TPST1: variants seen among roughly 807,000 people sequenced by gnomAD.
TPST1 encodes the protein protein-tyrosine sulfotransferase 1.
Under a neutral mutation model 34.8 loss-of-function variants are expected in TPST1, and 20 were observed. The observed-to-expected ratio is 0.57, with a 90% CI of 0.40 to 0.84. The LOEUF is 0.84. Ranked by LOEUF, TPST1 falls within the 40% of genes least tolerant of loss-of-function variation. TPST1 has a pLI of 0.00. For synonymous variants in TPST1, 152 were observed against 159.4 expected (o/e 0.95, Z 0.35); for missense variants, 353 against 455.5 (o/e 0.78, Z 2.05).
chr7:66,220,454 A>T (rs567300054), intron 1 of TPST1, among the ~76,000 whole-genome samples: 1 of 152,298 alleles, frequency 6.6e-6, no homozygotes, highest in African/African-American at 2.4e-5. Flanking sequence ...GAGATGTGAT[A>T]TAGGGTAAAT....
chr7:66,225,839 T>C (rs1437752385), intron 1 of TPST1, among the ~76,000 whole-genome samples: 1 of 152,180 alleles, frequency 6.6e-6, no homozygotes, highest in Admixed American at 6.5e-5. Context: ...TAGTCTCTTA[T>C]CTAGAAAAAG....
intron 1 of TPST1, among the ~76,000 whole-genome samples, chr7:66,215,996 C>T (rs899099594): frequency 2.0e-5 from 3 of 151,932 alleles, no homozygotes; most frequent in Non-Finnish European, 2.9e-5. Context: ...TGGTCTGGAT[C>T]TCCTGACCTT....
chr7:66,201,235 A>G (rs975823227), upstream of TPST1, among the ~76,000 whole-genome samples: 4 of 152,036 alleles, frequency 2.6e-5, no homozygotes, highest in Non-Finnish European at 5.9e-5. Context: ...AAAGTTATGT[A>G]TTCATTCCTT....
At chr7:66,319,135 C>A (rs1480695497) in intron 3 of TPST1, among the ~76,000 whole-genome samples, 1 of 151,956 alleles carries the variant, frequency 6.6e-6, no homozygotes, top group South Asian at 2.1e-4. Context: ...AATTCTCGAC[C>A]ATTTTTCTTT....
At chr7:66,231,595 C>G (rs1789795204) in intron 1 of TPST1, among the ~76,000 whole-genome samples, 1 of 152,254 alleles carries the variant, frequency 6.6e-6, no homozygotes, top group Admixed American at 6.5e-5. Context: ...CTAAGCCCCT[C>G]ATTGCCCGGG....
At chr7:66,229,875 T>G (rs1239555846) in intron 1 of TPST1, among the ~76,000 whole-genome samples, 1 of 152,114 alleles carries the variant, frequency 6.6e-6, no homozygotes, top group Non-Finnish European at 1.5e-5. Context: ...ACCATAAAAT[T>G]CCCTACTATC....
At chr7:66,261,968 G>A (rs1442650167) in intron 2 of TPST1, among the ~76,000 whole-genome samples, 1 of 152,170 alleles carries the variant, frequency 6.6e-6, no homozygotes, top group East Asian at 1.9e-4. Flanking sequence ...CATGCCAGGA[G>A]AACCATGTCT....
In TPST1 at chr7:66,222,639, G is replaced by T. The variant is rs566471171; in HGVS notation, c.-102+17117G>T. 5.3e-5 allele frequency among the ~76,000 whole-genome samples: 8 copies of T among 152,226 alleles called. No homozygotes were observed. The South Asian group carries it at 1.5e-3, about 28-fold the overall frequency. ...AGGAGATATGTGTAAAAGAGAGAAA[G>T]CGGCATGGTACTGGAGGCAGCACCA... is the stretch of plus-strand genomic sequence containing the variant. On this transcript the variant is annotated intron_variant, in intron 1 of 5. Coordinates refer to ENST00000304842, the MANE Select transcript of TPST1 (RefSeq NM_003596.4).
chr7:66,204,984 G>C (rs963749766), upstream of TPST1, among the ~76,000 whole-genome samples: 1 of 152,246 alleles, frequency 6.6e-6, no homozygotes. Context: ...ACCCACGTTG[G>C]GGGTGGGGGC....
In TPST1 at chr7:66,257,424, T is replaced by C. The variant is rs549948235; in HGVS notation, c.845+16154T>C. 6.6e-5 allele frequency among the ~76,000 whole-genome samples: 10 copies of C among 152,330 alleles called. No individual in the cohort carries two copies. The South Asian group carries it at 2.1e-3, about 32-fold the overall frequency. ...TTACTAGTCCATATCAATTCTGAAA[T>C]CCAGCCAGGATGTTAGAAGTTCCTT... On this transcript the variant is annotated intron_variant, in intron 2 of 5. Transcript: ENST00000304842.
chr7:66,297,033 A>G (rs1451454574), intron 3 of TPST1, among the ~76,000 whole-genome samples: 2 of 152,110 alleles, frequency 1.3e-5, no homozygotes, highest in Non-Finnish European at 2.9e-5. Flanking sequence ...TTCACTCACA[A>G]TTTCAGTGGA....
intron 3 of TPST1, among the ~76,000 whole-genome samples, chr7:66,313,346 C>T (rs1182846045): frequency 4.6e-5 from 7 of 152,114 alleles, no homozygotes; most frequent in Admixed American, 2.6e-4. Flanking sequence ...ACTCGGGAGG[C>T]GGAGGTTGCA....
At chr7:66,349,039 C>T (rs146928700) in intron 3 of TPST1, among the ~76,000 whole-genome samples, 1 of 152,114 alleles carries the variant, frequency 6.6e-6, no homozygotes, top group African/African-American at 2.4e-5. Context: ...ATGCCTTATG[C>T]TTTTTATAAC....
intron 2 of TPST1, among the ~76,000 whole-genome samples, chr7:66,282,798 C>T (rs1026109991): frequency 6.6e-6 from 1 of 152,148 alleles, no homozygotes; most frequent in African/African-American, 2.4e-5. Flanking sequence ...GGGACTGCAT[C>T]GTATCTTGTT....
intron 3 of TPST1, among the ~76,000 whole-genome samples, chr7:66,317,453 C>T (rs1791656984): frequency 6.6e-6 from 1 of 152,070 alleles, no homozygotes; most frequent in Non-Finnish European, 1.5e-5. Context: ...AACTAGGCAT[C>T]CTATGTTTTG....
At chr7:66,266,543 C>T (rs1249603241) in intron 2 of TPST1, among the ~76,000 whole-genome samples, 10 of 152,214 alleles carry the variant, frequency 6.6e-5, no homozygotes, top group Non-Finnish European at 1.0e-4. Flanking sequence ...AGAAGTTATA[C>T]ACTTTAAAAA....
intron 1 of TPST1, among the ~76,000 whole-genome samples, chr7:66,212,972 C>A (rs1003164860): frequency 1.7e-4 from 26 of 152,092 alleles, no homozygotes; most frequent in Admixed American, 9.2e-4. Flanking sequence ...TCCTTTCTCC[C>A]CAACTGCTTT....
rs536543205 is a variant in TPST1 at position 66,357,904 on chromosome 7, T to C, written c.*29+1033T>C. Among the ~76,000 whole-genome samples the C allele has an allele frequency of 4.7e-4, 72 of 152,222 alleles. No individual in the cohort carries two copies. The East Asian group carries it at 0.01, about 22-fold the overall frequency. ...TTCGAGACCAGCCTGGCCAACATAG[T>C]GAAACCTCGTCTCTACTAAAAATAC... is the stretch of plus-strand genomic sequence containing the variant. On this transcript the variant is annotated intron_variant, in intron 5 of 5. Transcript: ENST00000304842.
At chr7:66,263,799 TAAAGA>T (rs1232074665) in intron 2 of TPST1, among the ~76,000 whole-genome samples, 2 of 152,226 alleles carry the variant, frequency 1.3e-5, no homozygotes, top group East Asian at 3.9e-4. Flanking sequence ...AGCGGCACAG[TAAAGA>T]AGTGTAAAAT....
Sources: gnomAD v4.1 joint callset for allele counts (sites outside exome capture counted in the v4.1 genomes callset) on GRCh38, gnomAD v4.1.1 for gene constraint, MANE v1.5 for transcripts, NCBI Gene and HGNC (gene_info 2026-07-23, HGNC 2026-07-21) for gene names.